The following SLC22A14 variants were observed in gnomAD, a reference collection of about 807,000 sequenced individuals.
SLC22A14 encodes the protein solute carrier family 22 member 14.
A neutral mutation model predicts 53.9 loss-of-function variants in SLC22A14; 50 were observed. That is an observed-to-expected ratio of 0.93 (90% confidence interval 0.74 to 1.17). The LOEUF is 1.17. SLC22A14 is among the 50% of genes most tolerant of loss of function. The probability of loss-of-function intolerance (pLI) is 0.00; values close to 1 mark genes in which losing one functional copy is unlikely to be tolerated. For synonymous variants in SLC22A14, 312 were observed against 303.0 expected (o/e 1.03, Z -0.31); for missense variants, 671 against 734.7 (o/e 0.91, Z 1.00).
rs1704351664 is a variant in SLC22A14, at chr3:38,307,767, G to A, written c.775+47G>A. On this transcript the variant is annotated intron_variant, in intron 4 of 10. Coordinates refer to ENST00000448498, the MANE Select transcript of SLC22A14 (RefSeq NM_001320033.2). This position sits in a 1 kb window ranked among gnomAD's most constrained non-coding sequence, Gnocchi z 4.4. ...GCAGGGCAGGGTGGCACAGGGGCAT[G>A]GCGGCATAGGCGGGTGACAAGGGGA... is the stretch of plus-strand genomic sequence containing the variant. 6.3e-7 allele frequency: 1 copy of A among 1,593,584 alleles called. No individual in the cohort carries two copies. Among genetic ancestry groups the A allele is most frequent in the Non-Finnish European group, 8.6e-7 (1 of 1,165,764 alleles).
intron 1 of SLC22A14, among the ~76,000 whole-genome samples, chr3:38,294,554 T>A (rs1362263470): frequency 6.6e-6 from 1 of 151,988 alleles, no homozygotes; most frequent in African/African-American, 2.4e-5. Flanking sequence ...ATGCTTCCCA[T>A]CAGAAAAAAG....
intron 6 of SLC22A14, 30 bp downstream of exon 6, chr3:38,313,149 G>A (rs757529846): frequency 9.3e-6 from 15 of 1,607,058 alleles, no homozygotes; most frequent in South Asian, 7.8e-5. Context: ...GAGTGGGGCC[G>A]GAGCAGTGGG....
intron 1 of SLC22A14, among the ~76,000 whole-genome samples, chr3:38,287,058 C>T (rs1292017952): frequency 6.6e-6 from 1 of 152,054 alleles, no homozygotes; most frequent in Non-Finnish European, 1.5e-5. Flanking sequence ...TCTGTACATA[C>T]TCTTTACATA....
intron 1 of SLC22A14, among the ~76,000 whole-genome samples, chr3:38,287,232 A>T (rs1334408494): frequency 1.3e-5 from 2 of 152,146 alleles, no homozygotes; most frequent in Non-Finnish European, 2.9e-5. Flanking sequence ...CAAGTTTAAT[A>T]TTGCTATATT....
At chr3:38,296,167 G>C (rs1158370481) in intron 1 of SLC22A14, among the ~76,000 whole-genome samples, 1 of 152,220 alleles carries the variant, frequency 6.6e-6, no homozygotes, top group Non-Finnish European at 1.5e-5. Context: ...AGAAGGAAAG[G>C]TAGGGGCACA....
At chr3:38,280,292 C>T (rs186874409), upstream of SLC22A14, among the ~76,000 whole-genome samples, 83 of 152,288 alleles carry the variant, frequency 5.5e-4, no homozygotes, top group African/African-American at 1.8e-3. Flanking sequence ...GTCTCCGTGT[C>T]GGCCGGCCTA....
chr3:38,318,349 A>T lies in SLC22A14; in HGVS notation c.*100A>T. ...TGAAGCAATTCAATAAAGAGGAAGC[A>T]AACAGCCAGGCTCCCTGAGGGCCAG... On this transcript the variant is annotated 3_prime_UTR_variant, in exon 11 of 11. Coordinates refer to ENST00000448498, the MANE Select transcript of SLC22A14 (RefSeq NM_001320033.2). 8.4e-7 allele frequency: 1 copy of T among 1,184,112 alleles called. No individual in the cohort carries two copies. Among genetic ancestry groups the T allele is most frequent in the East Asian group, 2.3e-5 (1 of 42,704 alleles). 73.4% of individuals were successfully genotyped at this position (1,184,112 alleles called of 1,614,324 possible). A position where few individuals can be genotyped will look rare whatever the true frequency, so the allele number is the denominator to read the frequency against.
intron 1 of SLC22A14, among the ~76,000 whole-genome samples, chr3:38,303,544 A>G (rs1163266784): frequency 1.3e-5 from 2 of 151,742 alleles, no homozygotes; most frequent in East Asian, 1.9e-4. Flanking sequence ...CTCTATCTCT[A>G]TCATCTCTAT....
At chr3:38,299,940 T>C (rs73825513) in intron 1 of SLC22A14, among the ~76,000 whole-genome samples, 9,769 of 152,306 alleles carry the variant, frequency 0.064, 372 homozygotes, top group East Asian at 0.16. Flanking sequence ...TTTTTCCCAA[T>C]ATTTTGTGAT....
chr3:38,306,645 C>A (rs1172209795), intron 2 of SLC22A14, 103 bp downstream of exon 2: 2 of 1,202,980 alleles, frequency 1.7e-6, no homozygotes, highest in African/African-American at 1.5e-5. Context: ...AGATGGGAAG[C>A]CATTGGCCTG....
At chr3:38,303,276 A>G (rs574920610) in intron 1 of SLC22A14, among the ~76,000 whole-genome samples, 1 of 150,984 alleles carries the variant, frequency 6.6e-6, no homozygotes, top group Non-Finnish European at 1.5e-5. Context: ...CTTTCTTTAG[A>G]TTTATTCTTT....
intron 1 of SLC22A14, among the ~76,000 whole-genome samples, chr3:38,286,002 G>A (rs2125869491): frequency 6.6e-6 from 1 of 152,324 alleles, no homozygotes; most frequent in African/African-American, 2.4e-5. Context: ...GGAGGCCGAG[G>A]TGGGCAGATC....
At chr3:38,315,162 G>A (rs1704584539) in intron 8 of SLC22A14, among the ~76,000 whole-genome samples, 2 of 152,264 alleles carry the variant, frequency 1.3e-5, no homozygotes, top group African/African-American at 4.8e-5. Context: ...ACCTTGCAGA[G>A]CCCCGGTGGT....
upstream of SLC22A14, chr3:38,282,242 A>C (rs1284339426): frequency 2.0e-5 from 3 of 152,490 alleles, no homozygotes; most frequent in East Asian, 5.8e-4. Flanking sequence ...AGCTCACCCC[A>C]AGGACCTCCC....
In SLC22A14 at chr3:38,316,151, C is replaced by G. The variant is rs1461630308; in HGVS notation, c.1533-173C>G. On this transcript the variant is annotated intron_variant, in intron 9 of 10. Transcript: ENST00000448498. ...ATGCTGCATGGTTTCTGCCTCTCCCCCTCCTCATCCCCCTTGAAGGAGGCC... is the reference window on the plus strand; with the variant it reads ...ATGCTGCATGGTTTCTGCCTCTCCCGCTCCTCATCCCCCTTGAAGGAGGCC... Among the ~76,000 whole-genome samples, 3 of 152,232 alleles carry G rather than the reference C, an allele frequency of 2.0e-5. No homozygotes were observed. In the East Asian group the frequency reaches 5.8e-4, roughly 29 times the overall value.
At position 38,306,118 on chromosome 3, in the gene SLC22A14, C is replaced by G; in HGVS notation, c.92C>G (p.Ser31Cys). ...NQHEVAGHPH[S>C]WSLEMLLRRL... ...CATGAGGTAGCAGGACATCCACATT[C>G]CTGGTCTCTGGAGATGCTGTTACGC... The change falls in exon 2 of 11, where the codon TCC becomes TGC. Residue 31 changes from serine to cysteine, a missense_variant. Ser to Cys is a moderately radical substitution (Grantham distance 112). Transcript: ENST00000448498. 5 of 1,614,140 alleles carry G rather than the reference C, an allele frequency of 3.1e-6. No homozygotes were observed. The East Asian group carries it at 1.1e-4, about 36-fold the overall frequency.
At chr3:38,318,151 T>C in intron 10 of SLC22A14, 47 bp from the exon 11 acceptor site, 1 of 1,579,436 alleles carries the variant, frequency 6.3e-7, no homozygotes, top group Non-Finnish European at 8.7e-7. Flanking sequence ...TTTTCTCAGC[T>C]TCCAGAAAGA....
intron 7 of SLC22A14, 38 bp downstream of exon 7, chr3:38,313,523 G>A (rs746623147): frequency 7.0e-7 from 1 of 1,430,688 alleles, no homozygotes; most frequent in Non-Finnish European, 9.9e-7. Context: ...ACTGCGAACA[G>A]GTGCGCAGGC....
intron 8 of SLC22A14, among the ~76,000 whole-genome samples, chr3:38,314,669 G>A (rs1334709086): frequency 6.6e-6 from 1 of 152,228 alleles, no homozygotes; most frequent in African/African-American, 2.4e-5. Context: ...GCCTGGAGGG[G>A]CTCCCTCCCT....
Sources: gnomAD v4.1 joint callset for allele counts (sites outside exome capture counted in the v4.1 genomes callset) on GRCh38, gnomAD v4.1.1 for gene constraint, Gnocchi (gnomAD v3.1) non-coding constraint, MANE v1.5 for transcripts, NCBI Gene and HGNC (gene_info 2026-07-23, HGNC 2026-07-21) for gene names.